The following SYT1 variants were observed in gnomAD, a reference collection of about 807,000 sequenced individuals.
SYT1 encodes the protein synaptotagmin-1.
Under a neutral mutation model 44.8 loss-of-function variants are expected in SYT1, and 8 were observed. The observed-to-expected ratio is 0.18, with a 90% CI of 0.10 to 0.32. SYT1 has a LOEUF of 0.32. SYT1 is among the 10% of genes least tolerant of loss of function. The pLI is 1.00. For missense variants in SYT1, 286 were observed against 509.3 expected (o/e 0.56, Z 4.22); for synonymous variants, 154 against 188.8 (o/e 0.82, Z 1.51).
At chr12:79,100,550 A>C (rs1292199173) in intron 3 of SYT1, among the ~76,000 whole-genome samples, 1 of 152,152 alleles carries the variant, frequency 6.6e-6, no homozygotes, top group Admixed American at 6.6e-5. Context: ...TTGCAGTGAA[A>C]ATATACATAG....
intron 2 of SYT1, among the ~76,000 whole-genome samples, chr12:79,018,830 A>G (rs1328781363): frequency 1.3e-5 from 2 of 152,096 alleles, no homozygotes; most frequent in East Asian, 3.9e-4. Context: ...TCCGTGAATT[A>G]GTAGTTATAA....
At chr12:78,941,545 C>T (rs576330604) in intron 1 of SYT1, among the ~76,000 whole-genome samples, 1 of 151,972 alleles carries the variant, frequency 6.6e-6, no homozygotes, top group Admixed American at 6.6e-5. Context: ...TAGAAGAGAG[C>T]TTTTAATCAA....
At chr12:79,438,833 C>T (rs951168285) in intron 9 of SYT1, among the ~76,000 whole-genome samples, 1 of 152,084 alleles carries the variant, frequency 6.6e-6, no homozygotes, top group Non-Finnish European at 1.5e-5. Context: ...AAGTCATATC[C>T]CCGTAGCTTT....
chr12:79,048,741 G>C (rs1359990536), intron 3 of SYT1, among the ~76,000 whole-genome samples: 2 of 151,852 alleles, frequency 1.3e-5, no homozygotes, highest in African/African-American at 2.4e-5. Flanking sequence ...TGGGTACAGG[G>C]ATAATTTAAG....
intron 3 of SYT1, among the ~76,000 whole-genome samples, chr12:79,136,814 A>T (rs193109996): frequency 1.3e-5 from 2 of 152,216 alleles, no homozygotes; most frequent in African/African-American, 4.8e-5. Context: ...TTCATTAATT[A>T]TAATGGCAGT....
intron 10 of SYT1, among the ~76,000 whole-genome samples, chr12:79,444,623 C>T (rs1370829881): frequency 6.6e-6 from 1 of 152,042 alleles, no homozygotes; most frequent in Non-Finnish European, 1.5e-5. Context: ...GCTAAATATG[C>T]AGCATATTGA....
chr12:79,386,671 C>T (rs1409196368), intron 9 of SYT1, among the ~76,000 whole-genome samples: 2 of 152,162 alleles, frequency 1.3e-5, no homozygotes, highest in East Asian at 1.9e-4. Flanking sequence ...CCTGGTGTTT[C>T]GATCTTTTAC....
Position 79,339,829 on chromosome 12 carries a change from C to T in SYT1, c.811-13673C>T, listed in dbSNP as rs540247397. 3.3e-3 allele frequency among the ~76,000 whole-genome samples: 503 copies of T among 152,268 alleles called. 5 individuals carry two copies. Among genetic ancestry groups the T allele is most frequent in the Non-Finnish European group, 6.1e-3 (416 of 68,018 alleles). On this transcript the variant is annotated intron_variant, in intron 8 of 10. Coordinates refer to ENST00000261205, the MANE Select transcript of SYT1 (RefSeq NM_005639.3). ...TCTAACATTTAAGTCTTTAATGCAT[C>T]TTGAATTAATTTTTGTATAAGGTGT...
intron 9 of SYT1, among the ~76,000 whole-genome samples, chr12:79,356,796 C>T (rs12296486): frequency 6.6e-6 from 1 of 152,056 alleles, no homozygotes; most frequent in Non-Finnish European, 1.5e-5. Context: ...GTTGATGATG[C>T]TATGAGAAAT....
At chr12:79,310,517 T>C (rs1880722787) in intron 8 of SYT1, among the ~76,000 whole-genome samples, 1 of 152,224 alleles carries the variant, frequency 6.6e-6, no homozygotes, top group Non-Finnish European at 1.5e-5. Context: ...TGGTTCCATA[T>C]GAACTTTAAA....
chr12:79,292,718 A>C (rs1212067471), intron 6 of SYT1, among the ~76,000 whole-genome samples: 1 of 152,152 alleles, frequency 6.6e-6, no homozygotes, highest in East Asian at 1.9e-4. Context: ...GCCTAGGAAT[A>C]TTGCCCAAAA....
intron 3 of SYT1, among the ~76,000 whole-genome samples, chr12:79,052,583 G>A (rs1413218885): frequency 3.3e-5 from 5 of 152,124 alleles, no homozygotes; most frequent in South Asian, 4.1e-4. Context: ...TACAGAATGG[G>A]AGAAAATTTT....
chr12:79,241,981 C>T (rs1157213127), intron 4 of SYT1, among the ~76,000 whole-genome samples: 2 of 152,126 alleles, frequency 1.3e-5, no homozygotes, highest in Non-Finnish European at 2.9e-5. Flanking sequence ...CCTAGGAACA[C>T]CAAGGATTAC....
chr12:79,322,139 A>G (rs1881391598), intron 8 of SYT1, among the ~76,000 whole-genome samples: 1 of 152,196 alleles, frequency 6.6e-6, no homozygotes, highest in South Asian at 2.1e-4. Flanking sequence ...GAAATCACAT[A>G]CACTTGACTT....
intron 8 of SYT1, among the ~76,000 whole-genome samples, chr12:79,313,178 C>T (rs1016798145): frequency 5.3e-5 from 8 of 152,082 alleles, no homozygotes; most frequent in African/African-American, 1.4e-4. Context: ...TTACAATCTA[C>T]ATGCAATATT....
intron 3 of SYT1, among the ~76,000 whole-genome samples, chr12:79,070,808 G>A (rs73353542): frequency 0.03 from 4,508 of 151,936 alleles, 125 homozygotes; most frequent in Middle Eastern, 0.092. Flanking sequence ...ATTTATTCTC[G>A]AAACCTCAAT....
At chr12:79,333,955 A>G (rs1399012778) in intron 8 of SYT1, among the ~76,000 whole-genome samples, 2 of 152,162 alleles carry the variant, frequency 1.3e-5, no homozygotes, top group Admixed American at 6.5e-5. Context: ...TAATTCTCCA[A>G]TAAACTTTAT....
intron 1 of SYT1, among the ~76,000 whole-genome samples, chr12:78,896,334 A>T (rs1169194146): frequency 6.6e-6 from 1 of 151,836 alleles, no homozygotes; most frequent in Non-Finnish European, 1.5e-5. Context: ...AAGAAAGAAT[A>T]TATGGAAATA....
At chr12:79,394,031 T>G (rs1884773862) in intron 9 of SYT1, 1 of 152,274 alleles carries the variant, frequency 6.6e-6, no homozygotes, top group Non-Finnish European at 1.5e-5. Flanking sequence ...CAGAAACAGC[T>G]GCTATGTCAA....
Sources: gnomAD v4.1 joint callset for allele counts (sites outside exome capture counted in the v4.1 genomes callset) on GRCh38, gnomAD v4.1.1 for gene constraint, MANE v1.5 for transcripts, NCBI Gene and HGNC (gene_info 2026-07-23, HGNC 2026-07-21) for gene names.